The following NARS2 variants were observed in gnomAD, a reference collection of about 807,000 sequenced individuals.
NARS2 encodes asparaginyl-tRNA synthetase.
In NARS2, 60 loss-of-function variants were observed where a neutral mutation model predicts 62.9. That is an observed-to-expected ratio of 0.95 (90% CI 0.77 to 1.18). The LOEUF (loss-of-function observed/expected upper bound fraction) is 1.18. Ranked by LOEUF, NARS2 falls within the 50% of genes most tolerant of loss-of-function variation. The pLI is 0.00. For synonymous variants in NARS2, 196 were observed against 200.0 expected (o/e 0.98, Z 0.17); for missense variants, 619 against 576.4 (o/e 1.07, Z -0.76).
chr11:78,443,934 A>G (rs1857662195), intron 11 of NARS2, 176 bp from the exon 12 acceptor site: 1 of 481,494 alleles, frequency 2.1e-6, no homozygotes, highest in Non-Finnish European at 3.8e-6. Context: ...CCATTTGTGT[A>G]GTATACTGAA....
At chr11:78,457,829 A>AAC (rs139460911) in intron 11 of NARS2, among the ~76,000 whole-genome samples, 12 of 136,980 alleles carry the variant, frequency 8.8e-5, no homozygotes, top group South Asian at 2.3e-4. Context: ...CACACACACA[A>AAC]ACACACACAC....
intron 7 of NARS2, among the ~76,000 whole-genome samples, chr11:78,490,208 G>A (rs1465208452): frequency 2.0e-5 from 3 of 152,212 alleles, no homozygotes; most frequent in Non-Finnish European, 4.4e-5. Context: ...CTCTCAGGGA[G>A]TAACGTCACT....
At chr11:78,492,112 G>GACACACAC (rs754089395) in intron 7 of NARS2, among the ~76,000 whole-genome samples, 135 of 145,498 alleles carry the variant, frequency 9.3e-4, no homozygotes, top group African/African-American at 3.3e-3. Context: ...TATATATACA[G>GACACACAC]ACACACACAC....
chr11:78,462,449 TAA>T (rs1348360955), intron 11 of NARS2, among the ~76,000 whole-genome samples: 5 of 152,160 alleles, frequency 3.3e-5, no homozygotes, highest in African/African-American at 9.7e-5. Context: ...TGAGGATGAG[TAA>T]AATAAATGGC....
chr11:78,468,138 G>T (rs376217468), intron 10 of NARS2, among the ~76,000 whole-genome samples: 4 of 150,996 alleles, frequency 2.6e-5, no homozygotes, highest in African/African-American at 9.7e-5. Flanking sequence ...CTTGAGCCTA[G>T]GAGTTCAAGA....
At chr11:78,478,707 C>A in intron 7 of NARS2, 24 bp from the exon 8 acceptor site, 1 of 1,477,166 alleles carries the variant, frequency 6.8e-7, no homozygotes, top group Middle Eastern at 1.8e-4. Context: ...AATAGAATCA[C>A]CTGACACGTA....
At chr11:78,452,352 C>G (rs962005520) in intron 11 of NARS2, among the ~76,000 whole-genome samples, 2 of 151,906 alleles carry the variant, frequency 1.3e-5, no homozygotes, top group Non-Finnish European at 1.5e-5. Context: ...TGTGATCCAC[C>G]TGCCTCGGCT....
intron 4 of NARS2, among the ~76,000 whole-genome samples, chr11:78,562,416 T>C (rs1247654664): frequency 6.6e-6 from 1 of 152,186 alleles, no homozygotes. Context: ...GACAACAGTA[T>C]GAGACTTCAT....
rs1309071212 is a variant in NARS2 at position 78,559,691 on chromosome 11, G to C, written c.514-72C>G. The C allele has an allele frequency of 6.0e-6, 6 of 996,264 alleles. No individual in the cohort carries two copies. In the Admixed American group the frequency reaches 9.0e-5, roughly 15 times the overall value. The allele number at this position is 996,264 out of a possible 1,614,324, so 61.7% of individuals were successfully genotyped here. ...TTCCAAGAACACACATCCTCTTATA[G>C]TATTAAAATGGCACACTAAGCAGAT... is the stretch of plus-strand genomic sequence containing the variant. On this transcript the variant is annotated intron_variant, in intron 4 of 13. Coordinates refer to ENST00000281038, the MANE Select transcript of NARS2 (RefSeq NM_024678.6).
chr11:78,568,622 G>A lies in NARS2; in HGVS notation c.372+10C>T, dbSNP rs370346078. The A allele has an allele frequency of 3.7e-6, 6 of 1,610,336 alleles. No homozygotes were observed. The highest frequency in any genetic ancestry group is 5.1e-6 in the Non-Finnish European group (6 of 1,178,010). On this transcript the variant is annotated intron_variant, in intron 3 of 13. Coordinates refer to ENST00000281038, the MANE Select transcript of NARS2 (RefSeq NM_024678.6). ...CTAAACAGCCTCCACAAAAGTGTCA[G>A]AAATCATACCTTGGCATCACAATTT...
At chr11:78,505,759 G>A (rs1300788660) in intron 6 of NARS2, among the ~76,000 whole-genome samples, 2 of 152,064 alleles carry the variant, frequency 1.3e-5, no homozygotes, top group African/African-American at 4.8e-5. Context: ...AAAAATACAA[G>A]CTAAGATATA....
At chr11:78,572,136 C>T (rs991042684) in intron 1 of NARS2, among the ~76,000 whole-genome samples, 4 of 152,040 alleles carry the variant, frequency 2.6e-5, no homozygotes, top group South Asian at 2.1e-4. Flanking sequence ...GAGCCAAGAT[C>T]GCGCCAGTGC....
intron 6 of NARS2, among the ~76,000 whole-genome samples, chr11:78,513,731 A>C (rs1860802432): frequency 6.6e-6 from 1 of 152,078 alleles, no homozygotes; most frequent in African/African-American, 2.4e-5. Flanking sequence ...CAATTACTGT[A>C]CATATTGGTC....
chr11:78,471,842 C>T (rs1027508678), intron 9 of NARS2, among the ~76,000 whole-genome samples: 1 of 151,900 alleles, frequency 6.6e-6, no homozygotes, highest in Non-Finnish European at 1.5e-5. Flanking sequence ...ATTTCATCCA[C>T]GTCCCTACAA....
chr11:78,513,386 T>G (rs1860788680), intron 6 of NARS2, among the ~76,000 whole-genome samples: 1 of 151,782 alleles, frequency 6.6e-6, no homozygotes, highest in African/African-American at 2.4e-5. Flanking sequence ...CCCACTTCAC[T>G]TGCACACCTG....
At chr11:78,563,843 A>AC (rs1162996794) in intron 4 of NARS2, among the ~76,000 whole-genome samples, 3,227 of 75,288 alleles carry the variant, frequency 0.043, 322 homozygotes, top group African/African-American at 0.17. Flanking sequence ...AAAAAAAAAA[A>AC]AAAAAAAAAT....
chr11:78,459,739 T>C (rs1448875858), intron 11 of NARS2, among the ~76,000 whole-genome samples: 2 of 152,242 alleles, frequency 1.3e-5, no homozygotes, highest in East Asian at 1.9e-4. Context: ...GGGTATGTCT[T>C]TATCAGCAGC....
chr11:78,565,098 C>T (rs543552190), intron 4 of NARS2, among the ~76,000 whole-genome samples: 20 of 152,186 alleles, frequency 1.3e-4, no homozygotes, highest in Non-Finnish European at 1.8e-4. Context: ...TGGGGCCCTC[C>T]CATCCACAGG....
At chr11:78,513,446 G>A (rs1200714235) in intron 6 of NARS2, among the ~76,000 whole-genome samples, 1 of 150,498 alleles carries the variant, frequency 6.6e-6, no homozygotes, top group Non-Finnish European at 1.5e-5. Context: ...CTATCTCCAT[G>A]AGTTCAATTG....
Sources: allele counts gnomAD v4.1 joint callset (sites outside exome capture counted in the v4.1 genomes callset), GRCh38; gene constraint gnomAD v4.1.1; transcripts MANE v1.5; gene names NCBI Gene and HGNC (gene_info 2026-07-23, HGNC 2026-07-21).